The following SLC24A2 variants were observed in gnomAD, a reference collection of about 807,000 sequenced individuals.
SLC24A2 encodes solute carrier family 24 member 2.
In SLC24A2, 36 loss-of-function variants were observed where a neutral mutation model predicts 62.0. That is an observed-to-expected ratio of 0.58 (90% CI 0.44 to 0.77). The LOEUF (loss-of-function observed/expected upper bound fraction) is 0.77, where lower values mean the gene tolerates loss of function less well. Among genes scored for constraint, SLC24A2 ranks in the 30% least tolerant of loss-of-function variants. The pLI is 0.00. For missense variants in SLC24A2, 846 were observed against 817.9 expected, an observed-to-expected ratio of 1.03 and a Z score of -0.42; for synonymous variants, 358 against 294.0, an observed-to-expected ratio of 1.22 and a Z score of -2.23.
chr9:20,276,632 TC>T, the SLC24A2 span, among the ~76,000 whole-genome samples: 1 of 152,110 alleles, frequency 6.6e-6, no homozygotes, highest in South Asian at 2.1e-4. Context: ...GTGTAGGGGC[TC>T]CCCCTTCACA....
the SLC24A2 span, among the ~76,000 whole-genome samples, chr9:20,161,625 C>G: frequency 6.6e-6 from 1 of 151,212 alleles, no homozygotes; most frequent in African/African-American, 2.4e-5. Flanking sequence ...CTTATTACCT[C>G]CTTAAATCCT....
At chr9:19,731,038 T>C (rs1023072148) in intron 2 of SLC24A2, among the ~76,000 whole-genome samples, 1 of 152,160 alleles carries the variant, frequency 6.6e-6, no homozygotes, top group African/African-American at 2.4e-5. Flanking sequence ...TTGTCTTGAG[T>C]TCATCTTTCA....
chr9:20,275,778 G>T, the SLC24A2 span, among the ~76,000 whole-genome samples: 1 of 152,114 alleles, frequency 6.6e-6, no homozygotes, highest in Non-Finnish European at 1.5e-5. Context: ...AATTTGATGC[G>T]GCTGGGGAGG....
chr9:19,587,598 G>C (rs901423171), intron 5 of SLC24A2, among the ~76,000 whole-genome samples: 25 of 152,064 alleles, frequency 1.6e-4, no homozygotes, highest in African/African-American at 6.0e-4. Context: ...CTAATCAAAA[G>C]AGAAACTTAC....
chr9:19,884,771 T>C, the SLC24A2 span, among the ~76,000 whole-genome samples: 6 of 152,322 alleles, frequency 3.9e-5, no homozygotes, highest in South Asian at 1.2e-3. Context: ...TTCAACACTT[T>C]AATATAAAAT....
the SLC24A2 span, among the ~76,000 whole-genome samples, chr9:19,893,400 C>G: frequency 6.6e-6 from 1 of 152,146 alleles, no homozygotes; most frequent in Non-Finnish European, 1.5e-5. Context: ...CACCACACAT[C>G]TTGGATCAGA....
the SLC24A2 span, among the ~76,000 whole-genome samples, chr9:20,012,175 A>G: frequency 6.6e-6 from 1 of 152,228 alleles, no homozygotes; most frequent in Non-Finnish European, 1.5e-5. Context: ...TGCTGCTGAT[A>G]AAGACATACC....
At chr9:19,919,519 A>G in the SLC24A2 span, among the ~76,000 whole-genome samples, 1 of 152,204 alleles carries the variant, frequency 6.6e-6, no homozygotes, top group African/African-American at 2.4e-5. Context: ...TACTTAGGAC[A>G]AATTAAAAAT....
rs2132905674 is a variant in SLC24A2, at chr9:19,599,192, C to T, written c.1079-1913G>A. On this transcript the variant is annotated intron_variant, in intron 4 of 10. Transcript: ENST00000341998. The surrounding 1 kb of genome is among the most constrained non-coding windows in gnomAD (Gnocchi z 4.5). ...AGAATCAGGTATAAATAAATACATT[C>T]ATATTGTTTAATTATCATTTTATTT... is the stretch of plus-strand genomic sequence containing the variant. 6.6e-6 allele frequency among the ~76,000 whole-genome samples: 1 copy of T among 152,266 alleles called. No homozygotes were observed. The highest frequency in any genetic ancestry group is 2.1e-4 in the South Asian group (1 of 4,822).
intron 2 of SLC24A2, among the ~76,000 whole-genome samples, chr9:19,680,611 TATATA>T (rs1331518704): frequency 6.6e-6 from 1 of 151,124 alleles, no homozygotes; most frequent in Non-Finnish European, 1.5e-5. Flanking sequence ...ATAACATATA[TATATA>T]TATATTCATA....
At chr9:19,929,259 C>T in the SLC24A2 span, 2 of 152,206 alleles carry the variant, frequency 1.3e-5, no homozygotes, top group African/African-American at 2.4e-5. Flanking sequence ...GACTCTCACC[C>T]GTGCAGCTCT....
At chr9:20,110,070 A>T in the SLC24A2 span, among the ~76,000 whole-genome samples, 1 of 152,140 alleles carries the variant, frequency 6.6e-6, no homozygotes, top group Non-Finnish European at 1.5e-5. Context: ...AAGTAATCTG[A>T]ACTGTAGGGA....
chr9:20,307,382 G>C, the SLC24A2 span, among the ~76,000 whole-genome samples: 1 of 152,192 alleles, frequency 6.6e-6, no homozygotes, highest in East Asian at 1.9e-4. Flanking sequence ...TCTGTGATTA[G>C]TATTCCCTAA....
At chr9:20,216,163 G>A in the SLC24A2 span, among the ~76,000 whole-genome samples, 1 of 152,048 alleles carries the variant, frequency 6.6e-6, no homozygotes, top group African/African-American at 2.4e-5. Context: ...CGGTGCCTTG[G>A]GCTGTCAGTC....
At chr9:20,092,731 G>A in the SLC24A2 span, among the ~76,000 whole-genome samples, 1 of 152,184 alleles carries the variant, frequency 6.6e-6, no homozygotes, top group Non-Finnish European at 1.5e-5. Flanking sequence ...ATTTGTGTGT[G>A]CAGGGCAGGG....
the SLC24A2 span, among the ~76,000 whole-genome samples, chr9:20,278,407 ATCTTGAATGCTTTGCT>A: frequency 1.3e-5 from 2 of 152,144 alleles, no homozygotes; most frequent in Non-Finnish European, 2.9e-5. Flanking sequence ...ACCAAGACAC[ATCTTGAATGCTTTGCT>A]TCTTAGAAAT....
intron 2 of SLC24A2, among the ~76,000 whole-genome samples, chr9:19,647,578 T>G (rs1587091951): frequency 6.6e-6 from 1 of 152,284 alleles, no homozygotes; most frequent in South Asian, 2.1e-4. Context: ...AATGGGACAT[T>G]AATGGCAATT....
chr9:19,682,994 C>A (rs1196289921), intron 2 of SLC24A2, among the ~76,000 whole-genome samples: 4 of 151,924 alleles, frequency 2.6e-5, no homozygotes, highest in African/African-American at 9.7e-5. Context: ...GTAAAAAATA[C>A]ACATTATGAG....
chr9:20,190,168 G>C, the SLC24A2 span, among the ~76,000 whole-genome samples: 1 of 152,160 alleles, frequency 6.6e-6, no homozygotes, highest in African/African-American at 2.4e-5. Flanking sequence ...GCTTGTATGT[G>C]GTTGCTCTGC....
Sources: gnomAD v4.1 joint callset for allele counts (sites outside exome capture counted in the v4.1 genomes callset) on GRCh38, gnomAD v4.1.1 for gene constraint, Gnocchi (gnomAD v3.1) non-coding constraint, MANE v1.5 for transcripts, NCBI Gene and HGNC (gene_info 2026-07-23, HGNC 2026-07-21) for gene names.